The following DNAH14 variants were observed in gnomAD, a reference collection of about 807,000 sequenced individuals.
DNAH14 encodes axonemal beta dynein heavy chain 14.
Under a neutral mutation model 520.9 loss-of-function variants are expected in DNAH14, and 478 were observed. The ratio of observed to expected loss-of-function variants is 0.92; its 90% CI spans 0.85 to 0.99. The LOEUF (loss-of-function observed/expected upper bound fraction) is 0.99. Ranked by LOEUF, DNAH14 falls within the 50% of genes least tolerant of loss-of-function variation. The pLI is 0.00. For synonymous variants in DNAH14, 1,581 were observed against 1,757.2 expected, an observed-to-expected ratio of 0.90 and a Z score of 2.51; for missense variants, 4,831 against 5,234.5, an observed-to-expected ratio of 0.92 and a Z score of 2.38.
At chr1:224,940,306 T>A (rs753216364) in intron 1 of DNAH14, among the ~76,000 whole-genome samples, 9 of 152,168 alleles carry the variant, frequency 5.9e-5, no homozygotes, top group Non-Finnish European at 1.3e-4. Context: ...AGTATTCTGT[T>A]GGTCAAAGGA....
At position 225,100,895 on chromosome 1, in the gene DNAH14, AG is replaced by A. The variant is rs2075386714; in HGVS notation, c.3867+12del. 6.8e-7 allele frequency: 1 copy of A among 1,480,476 alleles called. No homozygotes were observed. Among genetic ancestry groups the A allele is most frequent in the Non-Finnish European group, 8.9e-7 (1 of 1,117,844 alleles). The allele number at this position is 1,480,476 out of a possible 1,614,324, so 91.7% of individuals were successfully genotyped here. A position where few individuals can be genotyped will look rare whatever the true frequency, so the allele number is the denominator to read the frequency against. On this transcript the variant is annotated intron_variant, in intron 23 of 85. Transcript: ENST00000682510. ...AAGAAAAGCCTTGAGGTAAAACTAT[AG>A]CAATTCTAAAGCAGTGAATCATTTA...
chr1:225,266,533 T>C (rs2093125868), intron 48 of DNAH14, 108 bp from the exon 49 acceptor site: 1 of 771,320 alleles, frequency 1.3e-6, no homozygotes, highest in Non-Finnish European at 1.9e-6. Flanking sequence ...GCTTACTCCA[T>C]AGCATAATAT....
chr1:225,032,236 TC>T (rs2148116531), intron 11 of DNAH14, among the ~76,000 whole-genome samples: 1 of 152,166 alleles, frequency 6.6e-6, no homozygotes, highest in African/African-American at 2.4e-5. Flanking sequence ...CCTTCTACCT[TC>T]CTGGCTCAAG....
At chr1:225,263,421 C>T (rs1315465322) in intron 46 of DNAH14, among the ~76,000 whole-genome samples, 1 of 151,750 alleles carries the variant, frequency 6.6e-6, no homozygotes, top group Non-Finnish European at 1.5e-5. Flanking sequence ...TTTGAATTTC[C>T]CCCTTTCCTC....
chr1:225,097,961 GC>G lies in DNAH14; in HGVS notation c.3695+725del, dbSNP rs2075134106. Among the ~76,000 whole-genome samples, 5 of 152,230 alleles carry G rather than the reference GC, an allele frequency of 3.3e-5. 1 individual carries two copies. The South Asian group carries it at 1.0e-3, about 32-fold the overall frequency. ...TGCCTGTAATCCCAACACTTTGGGA[GC>G]CCAAGATCACCTGAGCACAGGAGTT... On this transcript the variant is annotated intron_variant, in intron 22 of 85. Transcript: ENST00000682510.
chr1:225,235,404 G>A (rs193043709), intron 42 of DNAH14, among the ~76,000 whole-genome samples: 2 of 152,196 alleles, frequency 1.3e-5, no homozygotes, highest in East Asian at 3.9e-4. Context: ...CTTGATTATG[G>A]TGGATAAGCT....
intron 76 of DNAH14, 146 bp downstream of exon 76, chr1:225,365,040 T>A (rs1214886452): frequency 3.7e-6 from 2 of 535,470 alleles, no homozygotes; most frequent in African/African-American, 2.0e-5. Context: ...TGCTCAACCC[T>A]ATACTGGGGA....
chr1:225,320,385 G>GC (rs1390733925), intron 61 of DNAH14, among the ~76,000 whole-genome samples: 1 of 152,144 alleles, frequency 6.6e-6, no homozygotes, highest in African/African-American at 2.4e-5. Context: ...CCTTTTCCCT[G>GC]CCCTAGTAGT....
At position 225,146,135 on chromosome 1, in the gene DNAH14, C is replaced by T. The variant is rs561807897; in HGVS notation, c.4794+756C>T. Among the ~76,000 whole-genome samples the T allele has an allele frequency of 2.0e-5, 3 of 152,216 alleles. No homozygotes were observed. The South Asian group carries it at 6.3e-4, about 32-fold the overall frequency. ...AAACCACTAGTGGGGCCTATGAGGG[C>T]TCCACATGAGTGAGGCCAAAAAGCC... On this transcript the variant is annotated intron_variant, in intron 30 of 85. Transcript: ENST00000682510.
Position 225,012,827 on chromosome 1 carries a change from T to C in DNAH14, c.1107+5283T>C, listed in dbSNP as rs112195793. ...CAGCTCCGTCAGGTCATTCATGTTC[T>C]TCTGTAAACTGGTTATTCTAGTTAG... On this transcript the variant is annotated intron_variant, in intron 10 of 85. Transcript: ENST00000682510. 3.8e-3 allele frequency among the ~76,000 whole-genome samples: 586 copies of C among 152,302 alleles called. 5 individuals carry two copies. Among genetic ancestry groups the C allele is most frequent in the African/African-American group, 0.013 (554 of 41,574 alleles).
rs150460566 is a variant in DNAH14 at position 225,218,142 on chromosome 1, G to T, written c.6439+10922G>T. On this transcript the variant is annotated intron_variant, in intron 41 of 85. Transcript: ENST00000682510. ...GGTCATCACCAGGCCTGCCTTACAA[G>T]AGCTCCTGAAGGAAGCACTAAATAT... 7.2e-3 allele frequency among the ~76,000 whole-genome samples: 1,089 copies of T among 152,174 alleles called. 11 individuals carry two copies. The highest frequency in any genetic ancestry group is 0.025 in the African/African-American group (1,020 of 41,504).
At chr1:225,018,819 G>A (rs2065423873) in intron 10 of DNAH14, among the ~76,000 whole-genome samples, 1 of 152,146 alleles carries the variant, frequency 6.6e-6, no homozygotes, top group African/African-American at 2.4e-5. Context: ...ATAAGCAAAG[G>A]AGAAATGAAA....
chr1:225,318,867 T>C (rs61850022), intron 61 of DNAH14, among the ~76,000 whole-genome samples, 190 bp downstream of exon 61: 3 of 152,224 alleles, frequency 2.0e-5, no homozygotes, highest in Non-Finnish European at 2.9e-5. Flanking sequence ...CTGTATCTTA[T>C]CAATTTTATG....
chr1:225,297,160 C>G (rs896238230), intron 55 of DNAH14, among the ~76,000 whole-genome samples: 2 of 151,802 alleles, frequency 1.3e-5, no homozygotes, highest in African/African-American at 4.8e-5. Context: ...TGTAGAAGCT[C>G]TCAATTGTAT....
At chr1:225,112,793 A>G (rs112170648) in intron 23 of DNAH14, among the ~76,000 whole-genome samples, 8,004 of 152,030 alleles carry the variant, frequency 0.053, 320 homozygotes, top group Non-Finnish European at 0.078. Context: ...CAGTATGTCA[A>G]TTGCATTTTT....
rs2095100512 is a variant in DNAH14 at position 225,338,170 on chromosome 1, A to G, written c.10421A>G (p.Asn3474Ser). 1 of 1,551,892 alleles carries G rather than the reference A, an allele frequency of 6.4e-7. No individual in the cohort carries two copies. Residue 3474 changes from asparagine to serine, a missense_variant, in exon 68 of 86, where the codon AAT (asparagine) becomes AGT (serine). By Grantham distance (46) the Asn-to-Ser change is conservative (BLOSUM62 1). Coordinates refer to ENST00000682510, the MANE Select transcript of DNAH14 (RefSeq NM_001367479.1). Reference sequence around the variant, plus strand: ...GTTGGTGATGCTGAGTTCGAATACAATTCAAATTTTAGGTAATGTGCCACA... The same window carrying G: ...GTTGGTGATGCTGAGTTCGAATACAGTTCAAATTTTAGGTAATGTGCCACA... ...IRVGDAEFEY[N>S]SNFRLYLSTE...
chr1:225,177,798 G>C (rs2083492807), intron 36 of DNAH14, among the ~76,000 whole-genome samples: 1 of 152,206 alleles, frequency 6.6e-6, no homozygotes, highest in African/African-American at 2.4e-5. Context: ...GAGCTCTCAT[G>C]GAGAACCTCT....
intron 8 of DNAH14, among the ~76,000 whole-genome samples, chr1:224,989,472 A>AT (rs1170786011): frequency 1.1e-4 from 17 of 150,858 alleles, no homozygotes; most frequent in Non-Finnish European, 4.4e-5. Flanking sequence ...TTTTTAATAT[A>AT]TTTTTTGGGA....
chr1:225,033,226 C>T (rs2066675423), intron 11 of DNAH14, among the ~76,000 whole-genome samples: 1 of 152,104 alleles, frequency 6.6e-6, no homozygotes, highest in Non-Finnish European at 1.5e-5. Context: ...GCATTTAAGT[C>T]TTTAATCCAT....
Sources: gnomAD v4.1 joint callset for allele counts (sites outside exome capture counted in the v4.1 genomes callset) on GRCh38, gnomAD v4.1.1 for gene constraint, MANE v1.5 for transcripts, NCBI Gene and HGNC (gene_info 2026-07-23, HGNC 2026-07-21) for gene names.